Variants in SEMA6D observed in about 807,000 individuals in gnomAD.
The protein encoded by SEMA6D is semaphorin-6D.
Under a neutral mutation model 106.6 loss-of-function variants are expected in SEMA6D, and 35 were observed. That is an observed-to-expected ratio of 0.33 (90% CI 0.25 to 0.44). SEMA6D has a LOEUF of 0.44. Among genes scored for constraint, SEMA6D ranks in the 20% least tolerant of loss-of-function variants. SEMA6D has a pLI of 1.00. For synonymous variants in SEMA6D, 499 were observed against 487.7 expected, an observed-to-expected ratio of 1.02 and a Z score of -0.31; for missense variants, 1,185 against 1,345.9, an observed-to-expected ratio of 0.88 and a Z score of 1.87.
intron 2 of SEMA6D, among the ~76,000 whole-genome samples, chr15:47,469,299 G>GGTGTGTGTGTGTGT (rs71299525): frequency 1.5e-4 from 22 of 149,366 alleles, no homozygotes; most frequent in African/African-American, 5.4e-4. Flanking sequence ...GTTGCTTTAA[G>GGTGTGTGTGTGTGT]GTGTGTGTGT....
At chr15:47,319,571 G>C (rs933720474) in intron 1 of SEMA6D, among the ~76,000 whole-genome samples, 2 of 152,002 alleles carry the variant, frequency 1.3e-5, no homozygotes, top group African/African-American at 4.8e-5. Context: ...AAAACAGGAT[G>C]GGGTGGAATA....
intron 3 of SEMA6D, among the ~76,000 whole-genome samples, chr15:47,489,289 A>T (rs1162886232): frequency 2.0e-5 from 3 of 152,172 alleles, no homozygotes; most frequent in Non-Finnish European, 4.4e-5. Flanking sequence ...CAACACCTTG[A>T]TGTCAGATTT....
chr15:47,382,248 C>T (rs1463529539), intron 1 of SEMA6D, among the ~76,000 whole-genome samples: 1 of 152,160 alleles, frequency 6.6e-6, no homozygotes. Context: ...GTGGCTCACA[C>T]CTGTAATCCC....
chr15:47,392,770 G>A (rs2145842844), intron 1 of SEMA6D, among the ~76,000 whole-genome samples: 1 of 152,296 alleles, frequency 6.6e-6, no homozygotes. Flanking sequence ...TAATACAGAT[G>A]CTCTAGAGAG....
intron 1 of SEMA6D, among the ~76,000 whole-genome samples, chr15:47,323,051 A>C (rs189691684): frequency 8.3e-4 from 127 of 152,318 alleles, no homozygotes; most frequent in Non-Finnish European, 1.7e-3. Flanking sequence ...TTATCAACTC[A>C]TATCATTTAC....
At chr15:47,259,570 G>A (rs554509355) in intron 1 of SEMA6D, among the ~76,000 whole-genome samples, 2 of 151,880 alleles carry the variant, frequency 1.3e-5, no homozygotes, top group Admixed American at 6.5e-5. Flanking sequence ...CCCCCAATAG[G>A]TAGTGTGTCA....
intron 4 of SEMA6D, among the ~76,000 whole-genome samples, chr15:47,669,677 T>A (rs945855317): frequency 6.6e-6 from 1 of 152,170 alleles, no homozygotes; most frequent in Non-Finnish European, 1.5e-5. Flanking sequence ...CCTCTGTCAA[T>A]CTCCTTCTCC....
At position 47,567,717 on chromosome 15, in the gene SEMA6D, T is replaced by C. The variant is rs141232156; in HGVS notation, c.-86-33148T>C. ...TTACAGTATATGCTTATTGCTTACT[T>C]CCTTGTGTTTGTCTTCCCGCACTGA... On this transcript the variant is annotated intron_variant, in intron 3 of 19. Coordinates refer to the SEMA6D transcript ENST00000558014. Among the ~76,000 whole-genome samples the C allele has an allele frequency of 3.5e-3, 528 of 152,332 alleles. 1 individual carries two copies. Among genetic ancestry groups the C allele is most frequent in the Non-Finnish European group, 4.3e-3 (293 of 68,026 alleles).
At chr15:47,586,182 T>TTATATGCTGTTTA (rs1392464292) in intron 3 of SEMA6D, among the ~76,000 whole-genome samples, 1 of 152,230 alleles carries the variant, frequency 6.6e-6, no homozygotes, top group Non-Finnish European at 1.5e-5. Context: ...ATGAGTTCCA[T>TTATATGCTGTTTA]TATATGCTGT....
At chr15:47,456,122 A>T (rs181049467) in intron 2 of SEMA6D, among the ~76,000 whole-genome samples, 1 of 151,896 alleles carries the variant, frequency 6.6e-6, no homozygotes, top group Non-Finnish European at 1.5e-5. Flanking sequence ...GACAATTAGG[A>T]TATAGAACCA....
At chr15:47,225,809 C>T (rs1036198922) in intron 1 of SEMA6D, among the ~76,000 whole-genome samples, 14 of 152,144 alleles carry the variant, frequency 9.2e-5, no homozygotes, top group South Asian at 2.1e-4. Context: ...GGATTACAGG[C>T]GTGAGCCACC....
chr15:47,674,653 A>G (rs2078206707), intron 4 of SEMA6D, among the ~76,000 whole-genome samples: 1 of 152,158 alleles, frequency 6.6e-6, no homozygotes, highest in Non-Finnish European at 1.5e-5. Context: ...TTTTAAACCG[A>G]AAGGCTAAAT....
chr15:47,484,549 T>A (rs983270549), intron 3 of SEMA6D, among the ~76,000 whole-genome samples: 8 of 152,152 alleles, frequency 5.3e-5, no homozygotes, highest in African/African-American at 1.9e-4. Context: ...ATTGTTTATT[T>A]TATTTCCAAT....
intron 1 of SEMA6D, among the ~76,000 whole-genome samples, chr15:47,259,659 A>C (rs1438738641): frequency 6.6e-6 from 1 of 151,996 alleles, no homozygotes; most frequent in African/African-American, 2.4e-5. Context: ...CTTGGTATGC[A>C]TTTCTCTGGA....
intron 4 of SEMA6D, among the ~76,000 whole-genome samples, chr15:47,684,665 A>G (rs964537342): frequency 4.7e-4 from 72 of 152,214 alleles, no homozygotes; most frequent in African/African-American, 1.6e-3. Flanking sequence ...TAAGGTTACT[A>G]TGCTAGCAGT....
intron 3 of SEMA6D, among the ~76,000 whole-genome samples, chr15:47,567,743 A>C (rs1180064527): frequency 3.3e-5 from 5 of 152,198 alleles, no homozygotes; most frequent in African/African-American, 1.2e-4. Flanking sequence ...CCCGCACTGA[A>C]GTTTACCAGG....
intron 1 of SEMA6D, among the ~76,000 whole-genome samples, chr15:47,186,303 C>A (rs558725086): frequency 1.3e-5 from 2 of 152,036 alleles, no homozygotes; most frequent in African/African-American, 4.8e-5. Flanking sequence ...CAGGGAAAAA[C>A]CATGTAGTGG....
intron 3 of SEMA6D, among the ~76,000 whole-genome samples, chr15:47,521,134 G>A (rs1018743938): frequency 5.9e-5 from 9 of 152,184 alleles, no homozygotes; most frequent in Non-Finnish European, 1.0e-4. Flanking sequence ...TTGAGGAGAC[G>A]TGGGTCAACA....
chr15:47,361,762 C>T (rs2038816500), intron 1 of SEMA6D, among the ~76,000 whole-genome samples: 1 of 152,182 alleles, frequency 6.6e-6, no homozygotes, highest in African/African-American at 2.4e-5. Context: ...ACTACCTTCA[C>T]TCCACTCAGC....
Sources: allele counts gnomAD v4.1 joint callset (sites outside exome capture counted in the v4.1 genomes callset), GRCh38; gene constraint gnomAD v4.1.1; transcripts MANE v1.5; gene names NCBI Gene and HGNC (gene_info 2026-07-23, HGNC 2026-07-21).